The following IL7 variants were observed in gnomAD, a reference collection of about 807,000 sequenced individuals.
The protein encoded by IL7 is interleukin 7, also known as interleukin-7.
A neutral mutation model predicts 21.6 loss-of-function variants in IL7; 3 were observed. The observed-to-expected ratio is 0.14, with a 90% CI of 0.06 to 0.36. The LOEUF (loss-of-function observed/expected upper bound fraction) is 0.36, where lower values mean the gene tolerates loss of function less well. IL7 is among the 10% of genes least tolerant of loss of function. IL7 has a pLI of 1.00. For missense variants in IL7, 175 were observed against 200.2 expected, an observed-to-expected ratio of 0.87 and a Z score of 0.76; for synonymous variants, 62 against 68.1, an observed-to-expected ratio of 0.91 and a Z score of 0.44.
At chr8:78,731,816 A>G (rs977172492), downstream of IL7, among the ~76,000 whole-genome samples, 1 of 152,012 alleles carries the variant, frequency 6.6e-6, no homozygotes, top group Non-Finnish European at 1.5e-5. Context: ...TTTGAGTCCA[A>G]TTTTTCTCAA....
chr8:78,743,182 T>C (rs1009863579), intron 2 of IL7, among the ~76,000 whole-genome samples: 1 of 152,216 alleles, frequency 6.6e-6, no homozygotes, highest in Non-Finnish European at 1.5e-5. Context: ...CCATTGTGAA[T>C]AGTGCTGCAA....
intron 3 of IL7, among the ~76,000 whole-genome samples, chr8:78,688,602 A>G (rs1373412945): frequency 6.6e-6 from 1 of 152,170 alleles, no homozygotes; most frequent in South Asian, 2.1e-4. Flanking sequence ...ATAATTTCAA[A>G]AGAAGTTTAA....
intron 2 of IL7, chr8:78,746,972 A>G: frequency 2.3e-6 from 1 of 444,046 alleles, no homozygotes; most frequent in South Asian, 1.6e-5. Flanking sequence ...GAGAAAGTCA[A>G]TATGGTTCAC....
chr8:78,729,120 A>G (rs573727862), downstream of IL7, among the ~76,000 whole-genome samples: 1 of 152,106 alleles, frequency 6.6e-6, no homozygotes, highest in South Asian at 2.1e-4. Flanking sequence ...TATATGTTAA[A>G]AATTTGAGAC....
chr8:78,801,697 TC>T (rs1283391302), intron 1 of IL7, among the ~76,000 whole-genome samples: 7 of 152,322 alleles, frequency 4.6e-5, no homozygotes, highest in African/African-American at 1.7e-4. Context: ...GACTAAATGA[TC>T]TTTTTCATCT....
intron 2 of IL7, among the ~76,000 whole-genome samples, chr8:78,782,502 TCCAGACCCTATTTG>T (rs575160396): frequency 1.3e-5 from 2 of 152,118 alleles, no homozygotes; most frequent in Non-Finnish European, 2.9e-5. Flanking sequence ...GGGGGTTCAC[TCCAGACCCTATTTG>T]CCTGGGTCTC....
intron 2 of IL7, among the ~76,000 whole-genome samples, chr8:78,773,428 T>G (rs1374836395): frequency 1.3e-5 from 2 of 152,038 alleles, no homozygotes; most frequent in African/African-American, 4.8e-5. Context: ...TGTCTTTAAA[T>G]TTGGGTGCGG....
intron 2 of IL7, 100 bp from the exon 3 acceptor site, chr8:78,740,182 T>C: frequency 1.4e-6 from 1 of 695,662 alleles, no homozygotes; most frequent in Non-Finnish European, 2.0e-6. Flanking sequence ...GATATTTATA[T>C]GTGCATTTTA....
exon 5 of IL7, chr8:78,676,069 G>GTTAAAGT (rs1809568583): frequency 2.8e-6 from 1 of 355,686 alleles, no homozygotes; most frequent in East Asian, 4.2e-5. Flanking sequence ...GAACTCTTCT[G>GTTAAAGT]TTAAAGTTTA....
At chr8:78,686,356 T>C (rs1186164110) in intron 3 of IL7, 2 of 932,264 alleles carry the variant, frequency 2.1e-6, no homozygotes, top group Non-Finnish European at 2.8e-6. Flanking sequence ...ATTTAAGGAC[T>C]CCTGATAAGA....
intron 2 of IL7, among the ~76,000 whole-genome samples, chr8:78,778,440 A>C (rs1259397359): frequency 6.6e-6 from 1 of 152,128 alleles, no homozygotes; most frequent in Admixed American, 6.6e-5. Context: ...TACTATTAGC[A>C]GATGCTTAAT....
At chr8:78,699,236 A>G (rs11779259) in intron 3 of IL7, among the ~76,000 whole-genome samples, 7,771 of 152,190 alleles carry the variant, frequency 0.051, 279 homozygotes, top group Middle Eastern at 0.082. Context: ...TTATATTTAC[A>G]TGGCTTTTAA....
chr8:78,799,649 TA>T (rs1386343257), intron 1 of IL7, among the ~76,000 whole-genome samples: 3 of 151,350 alleles, frequency 2.0e-5, no homozygotes, highest in South Asian at 4.2e-4. Flanking sequence ...TAAAATCTCA[TA>T]TATATATATA....
downstream of IL7, among the ~76,000 whole-genome samples, chr8:78,716,551 C>T (rs905816203): frequency 1.3e-5 from 2 of 152,092 alleles, no homozygotes; most frequent in African/African-American, 4.8e-5. Context: ...GAAGCATCAC[C>T]TCACAATCCT....
intron 1 of IL7, among the ~76,000 whole-genome samples, chr8:78,801,983 C>A (rs115337738): frequency 1.2e-4 from 19 of 152,294 alleles, no homozygotes; most frequent in African/African-American, 4.6e-4. Flanking sequence ...CCATCCTGAA[C>A]TTTTCATTAG....
At chr8:78,799,425 T>G (rs1337709116) in intron 1 of IL7, among the ~76,000 whole-genome samples, 1 of 152,134 alleles carries the variant, frequency 6.6e-6, no homozygotes, top group Non-Finnish European at 1.5e-5. Flanking sequence ...GTAGCAATTA[T>G]GAAAACAAAC....
intron 2 of IL7, among the ~76,000 whole-genome samples, chr8:78,742,569 A>G (rs897142045): frequency 6.6e-6 from 1 of 152,168 alleles, no homozygotes; most frequent in Non-Finnish European, 1.5e-5. Flanking sequence ...AGTAACTTAT[A>G]AACTATAATT....
intron 3 of IL7, among the ~76,000 whole-genome samples, chr8:78,725,962 A>G (rs1208332767): frequency 6.6e-6 from 1 of 151,988 alleles, no homozygotes; most frequent in Non-Finnish European, 1.5e-5. Flanking sequence ...AAGCAGTCAA[A>G]AATCTGTTTT....
Position 78,798,035 on chromosome 8 carries a change from T to C in IL7, c.147+37A>G, listed in dbSNP as rs577091125. 7.1e-6 allele frequency: 11 copies of C among 1,542,202 alleles called. No individual in the cohort carries two copies. The East Asian group carries it at 1.4e-4, about 19-fold the overall frequency. ...ACCAAAAAGGTTCAAATTTTCCCAA[T>C]GCATGAAAATGTGAGTAAAACAAAA... On this transcript the variant is annotated intron_variant, in intron 2 of 5. Coordinates refer to ENST00000263851, the MANE Select transcript of IL7 (RefSeq NM_000880.4).
Sources: gnomAD v4.1 joint callset for allele counts (sites outside exome capture counted in the v4.1 genomes callset) on GRCh38, gnomAD v4.1.1 for gene constraint, MANE v1.5 for transcripts, NCBI Gene and HGNC (gene_info 2026-07-23, HGNC 2026-07-21) for gene names.